Variants in NPIPB2 observed in about 807,000 individuals in gnomAD.
The protein encoded by NPIPB2 is nuclear pore complex interacting protein family member B2, also known as nuclear pore complex-interacting protein family member B2.
Under a neutral mutation model 30.8 loss-of-function variants are expected in NPIPB2, and 27 were observed. The observed-to-expected ratio is 0.88, with a 90% CI of 0.65 to 1.21. The LOEUF (loss-of-function observed/expected upper bound fraction) is 1.21, where lower values mean the gene tolerates loss of function less well. Ranked by LOEUF, NPIPB2 falls within the 50% of genes most tolerant of loss-of-function variation. The probability of loss-of-function intolerance (pLI) is 0.00; values close to 1 mark genes in which losing one functional copy is unlikely to be tolerated. For synonymous variants in NPIPB2, 147 were observed against 162.0 expected, an observed-to-expected ratio of 0.91 and a Z score of 0.70; for missense variants, 440 against 446.2, an observed-to-expected ratio of 0.99 and a Z score of 0.13.
intron 7 of NPIPB2, 60 bp from the exon 8 acceptor site, chr16:11,927,939 C>T: frequency 1.3e-6 from 1 of 775,490 alleles, no homozygotes; most frequent in Admixed American, 3.2e-5. Context: ...AAAATTACCG[C>T]CACCAACACA....
At chr16:11,948,511 A>G (rs2055033199) in intron 1 of NPIPB2, among the ~76,000 whole-genome samples, 1 of 152,146 alleles carries the variant, frequency 6.6e-6, no homozygotes, top group East Asian at 1.9e-4. Context: ...TCACACCTGT[A>G]ATCCCAGCAC....
At chr16:11,953,031 G>A (rs2055081570) in intron 1 of NPIPB2, among the ~76,000 whole-genome samples, 2 of 152,180 alleles carry the variant, frequency 1.3e-5, no homozygotes, top group Non-Finnish European at 2.9e-5. Context: ...GAGTGCTCAT[G>A]TTCTCATGGT....
chr16:11,937,551 C>G, exon 2 of NPIPB2: 3 of 1,596,424 alleles, frequency 1.9e-6, no homozygotes, highest in Non-Finnish European at 2.5e-6. Context: ...CAAAGGTAAA[C>G]TGTCCAGAGG....
At chr16:11,945,082 G>A (rs1029816213), upstream of NPIPB2, among the ~76,000 whole-genome samples, 1 of 151,906 alleles carries the variant, frequency 6.6e-6, no homozygotes, top group Non-Finnish European at 1.5e-5. Flanking sequence ...AGCTACTCAG[G>A]AGGCTGAGGC....
chr16:11,947,946 G>A (rs1200892147), intron 1 of NPIPB2, among the ~76,000 whole-genome samples: 3 of 149,518 alleles, frequency 2.0e-5, no homozygotes, highest in Non-Finnish European at 3.0e-5. Context: ...TTGCAAGAAG[G>A]TGAAAGCGGA....
At chr16:11,968,170 C>T (rs1049278364) in intron 1 of NPIPB2, 1 of 282,394 alleles carries the variant, frequency 3.5e-6, no homozygotes. Flanking sequence ...GAATTCTAAC[C>T]TATTGATAAT....
intron 1 of NPIPB2, among the ~76,000 whole-genome samples, chr16:11,948,685 T>A (rs1349674834): frequency 7.3e-6 from 1 of 136,194 alleles, no homozygotes; most frequent in Non-Finnish European, 1.5e-5. Context: ...GAGAATGGCG[T>A]GAACCCGGGA....
At chr16:11,962,554 G>C (rs993028598) in intron 1 of NPIPB2, among the ~76,000 whole-genome samples, 2 of 149,054 alleles carry the variant, frequency 1.3e-5, no homozygotes, top group African/African-American at 4.9e-5. Context: ...GGAGCTTGCA[G>C]TGAGCTGAGA....
intron 1 of NPIPB2, among the ~76,000 whole-genome samples, chr16:11,948,989 T>G (rs912692791): frequency 6.6e-6 from 1 of 151,014 alleles, no homozygotes; most frequent in Non-Finnish European, 1.5e-5. Context: ...AATTTGAAAA[T>G]TAGCTGGGTG....
At chr16:11,961,901 G>C (rs1479481346) in intron 1 of NPIPB2, among the ~76,000 whole-genome samples, 1 of 151,764 alleles carries the variant, frequency 6.6e-6, no homozygotes, top group African/African-American at 2.4e-5. Context: ...TATTTGGAAA[G>C]ACAGAAGACT....
At chr16:11,957,393 G>A (rs2055120800) in intron 1 of NPIPB2, among the ~76,000 whole-genome samples, 1 of 152,008 alleles carries the variant, frequency 6.6e-6, no homozygotes, top group Non-Finnish European at 1.5e-5. Context: ...TCCATCTCCT[G>A]ACCTCGTGAC....
chr16:11,964,393 C>T (rs11570132), intron 1 of NPIPB2, among the ~76,000 whole-genome samples: 6 of 151,972 alleles, frequency 3.9e-5, no homozygotes, highest in African/African-American at 1.2e-4. Flanking sequence ...TTCCTTAGTG[C>T]ATCACCTCTG....
chr16:11,965,011 A>G, intron 1 of NPIPB2: 1 of 402,942 alleles, frequency 2.5e-6, no homozygotes, highest in Non-Finnish European at 4.5e-6. Context: ...GCATCTTGCA[A>G]CTGTCACCTG....
In NPIPB2 at chr16:11,935,274, C is replaced by G. The variant is rs1193918857; in HGVS notation, c.193-1350G>C. Among the ~76,000 whole-genome samples, 4 of 152,196 alleles carry G rather than the reference C, an allele frequency of 2.6e-5. No homozygotes were observed. In the South Asian group the frequency reaches 6.2e-4, roughly 24 times the overall value. On this transcript the variant is annotated intron_variant, in intron 2 of 7. Coordinates refer to ENST00000399147, the Ensembl canonical transcript of NPIPB2. ...CTAAAATGCAATGCAAATCCCATCT[C>G]AGATGTGGGTCAGATACCTATGAAT...
chr16:11,943,338 A>G (rs973744642), upstream of NPIPB2, among the ~76,000 whole-genome samples: 8 of 152,138 alleles, frequency 5.3e-5, no homozygotes, highest in Admixed American at 1.3e-4. Flanking sequence ...AACAACTACA[A>G]ACAAACAAAC....
intron 1 of NPIPB2, among the ~76,000 whole-genome samples, chr16:11,955,353 CAAAAAA>C (rs34066078): frequency 1.7e-4 from 8 of 46,640 alleles, no homozygotes. Context: ...AACTCTGTGT[CAAAAAA>C]AAAAAAAAAA....
At chr16:11,942,057 G>A (rs747590140), upstream of NPIPB2, 9 of 1,363,116 alleles carry the variant, frequency 6.6e-6, no homozygotes, top group South Asian at 7.5e-5. Flanking sequence ...AGCAGGATGC[G>A]GAAGGTCCCG....
chr16:11,927,942 C>G, intron 7 of NPIPB2, 63 bp from the exon 8 acceptor site: 1 of 759,828 alleles, frequency 1.3e-6, no homozygotes, highest in East Asian at 2.8e-5. Context: ...ATTACCGCCA[C>G]CAACACAGTC....
intron 1 of NPIPB2, among the ~76,000 whole-genome samples, chr16:11,976,412 A>ACGCTTTGT (rs2055298027): frequency 6.6e-6 from 1 of 152,168 alleles, no homozygotes; most frequent in Non-Finnish European, 1.5e-5. Context: ...GCCTGTGCCC[A>ACGCTTTGT]CGCTTTGTCC....
Sources: gnomAD v4.1 joint callset for allele counts (sites outside exome capture counted in the v4.1 genomes callset) on GRCh38, gnomAD v4.1.1 for gene constraint, MANE v1.5 for transcripts, NCBI Gene and HGNC (gene_info 2026-07-23, HGNC 2026-07-21) for gene names.